The following BCAS3 variants were observed in gnomAD, a reference collection of about 807,000 sequenced individuals.
BCAS3 encodes the protein BCAS4/BCAS3 fusion.
A neutral mutation model predicts 116.1 loss-of-function variants in BCAS3; 53 were observed. The ratio of observed to expected loss-of-function variants is 0.46; its 90% CI spans 0.37 to 0.57. The LOEUF is 0.57. Among genes scored for constraint, BCAS3 ranks in the 20% least tolerant of loss-of-function variants. BCAS3 has a pLI of 0.00. For synonymous variants in BCAS3, 391 were observed against 408.2 expected (o/e 0.96, Z 0.51); for missense variants, 917 against 1,165.4 (o/e 0.79, Z 3.10).
chr17:61,073,859 C>T lies in BCAS3; in HGVS notation c.2030-1061C>T, dbSNP rs2071675572. Among the ~76,000 whole-genome samples, 1 of 151,980 alleles carries T rather than the reference C, an allele frequency of 6.6e-6. No homozygotes were observed. The highest frequency in any genetic ancestry group is 1.5e-5 in the Non-Finnish European group (1 of 67,980). ...GCGTGGTGGTTCATGCCTGTAATCC[C>T]AGCACTCTGAGAGCCAAAGCCAGAG... is the stretch of plus-strand genomic sequence containing the variant. On this transcript the variant is annotated intron_variant, in intron 19 of 23. Coordinates refer to ENST00000407086, the MANE Select transcript of BCAS3 (RefSeq NM_017679.5). This position sits in a 1 kb window ranked among gnomAD's most constrained non-coding sequence, Gnocchi z 4.6.
intron 20 of BCAS3, among the ~76,000 whole-genome samples, chr17:61,076,459 A>G (rs1242352895): frequency 1.3e-5 from 2 of 152,246 alleles, no homozygotes; most frequent in Admixed American, 6.5e-5. Flanking sequence ...TTGATTCTTC[A>G]GTTCCTGGCA....
At chr17:60,849,090 A>G (rs770445101) in intron 7 of BCAS3, among the ~76,000 whole-genome samples, 33 of 152,198 alleles carry the variant, frequency 2.2e-4, no homozygotes, top group Non-Finnish European at 3.2e-4. Flanking sequence ...ACACAGATAG[A>G]CACATAGATA....
At chr17:61,322,802 G>GAGAGAGAGAGAGAGAGAGAGAC (rs2055345367) in intron 22 of BCAS3, among the ~76,000 whole-genome samples, 10 of 125,452 alleles carry the variant, frequency 8.0e-5, no homozygotes, top group African/African-American at 1.0e-4. Flanking sequence ...GACAGAGAGA[G>GAGAGAGAGAGAGAGAGAGAGAC]AGAGAGAGAG....
intron 16 of BCAS3, among the ~76,000 whole-genome samples, chr17:61,022,305 A>G (rs1341906806): frequency 1.3e-5 from 2 of 152,236 alleles, no homozygotes; most frequent in East Asian, 3.9e-4. Flanking sequence ...GCTGGAGAGC[A>G]GTGGCGTGAT....
chr17:60,737,042 C>T (rs374203283), intron 5 of BCAS3, among the ~76,000 whole-genome samples: 1 of 152,002 alleles, frequency 6.6e-6, no homozygotes, highest in Non-Finnish European at 1.5e-5. Context: ...CAGGTTCAAG[C>T]GGTTCTCTTG....
chr17:61,237,556 C>G (rs1396152627), intron 22 of BCAS3, among the ~76,000 whole-genome samples: 1 of 152,210 alleles, frequency 6.6e-6, no homozygotes, highest in Admixed American at 6.5e-5. Flanking sequence ...TCCTTGCCAC[C>G]TTTAAGAGCT....
chr17:60,749,744 C>T (rs2042289781), intron 6 of BCAS3, among the ~76,000 whole-genome samples: 1 of 152,094 alleles, frequency 6.6e-6, no homozygotes, highest in African/African-American at 2.4e-5. Context: ...TCTTTCCCTC[C>T]CTTTCTTCTT....
chr17:61,109,889 T>G (rs2074942649), intron 22 of BCAS3, among the ~76,000 whole-genome samples: 1 of 152,238 alleles, frequency 6.6e-6, no homozygotes, highest in African/African-American at 2.4e-5. Flanking sequence ...ACTCTGTGGG[T>G]TGTATGTTAA....
chr17:61,306,361 C>A (rs1368421437), intron 22 of BCAS3, among the ~76,000 whole-genome samples: 1 of 152,178 alleles, frequency 6.6e-6, no homozygotes, highest in Non-Finnish European at 1.5e-5. Context: ...ACCTAGACTG[C>A]AGGCTTAAGT....
Position 61,124,344 on chromosome 17 carries a change from T to C in BCAS3, c.2425+39780T>C, listed in dbSNP as rs904011228. On this transcript the variant is annotated intron_variant, in intron 22 of 23. Coordinates refer to ENST00000407086, the MANE Select transcript of BCAS3 (RefSeq NM_017679.5). This position sits in a 1 kb window ranked among gnomAD's most constrained non-coding sequence, Gnocchi z 4.6. ...CCTGGTATCTCGAGCCACCAAGATA[T>C]AGCTTTTACTTGATCTGAATTTGTC... Among the ~76,000 whole-genome samples, 3 of 152,158 alleles carry C rather than the reference T, an allele frequency of 2.0e-5. No homozygotes were observed. The highest frequency in any genetic ancestry group is 4.4e-5 in the Non-Finnish European group (3 of 68,026).
chr17:60,849,552 T>G (rs1318713850), intron 7 of BCAS3, among the ~76,000 whole-genome samples: 1 of 152,058 alleles, frequency 6.6e-6, no homozygotes, highest in Non-Finnish European at 1.5e-5. Context: ...CTCCCACAAT[T>G]AAAAAAAGTT....
intron 13 of BCAS3, 37 bp downstream of exon 13, chr17:60,924,537 G>A: frequency 1.1e-6 from 1 of 900,438 alleles, no homozygotes; most frequent in Non-Finnish European, 1.5e-6. Context: ...TTTTTTTTTT[G>A]TAGACCATTT....
chr17:60,854,335 T>G (rs2053463376), intron 7 of BCAS3, among the ~76,000 whole-genome samples: 1 of 152,314 alleles, frequency 6.6e-6, no homozygotes, highest in East Asian at 1.9e-4. Context: ...TCTTTGCTGT[T>G]GTGAATAGTG....
At chr17:60,958,209 G>A (rs910251763) in intron 14 of BCAS3, among the ~76,000 whole-genome samples, 1 of 152,202 alleles carries the variant, frequency 6.6e-6, no homozygotes, top group Non-Finnish European at 1.5e-5. Flanking sequence ...AGACATGGGA[G>A]CTGCAGAGAG....
intron 22 of BCAS3, among the ~76,000 whole-genome samples, chr17:61,340,810 A>G (rs1213989190): frequency 6.6e-6 from 1 of 152,204 alleles, no homozygotes; most frequent in Non-Finnish European, 1.5e-5. Context: ...GGATCAATGT[A>G]TTATACACCC....
chr17:61,102,092 A>G (rs1484614250), intron 22 of BCAS3, among the ~76,000 whole-genome samples: 1 of 152,158 alleles, frequency 6.6e-6, no homozygotes, highest in East Asian at 1.9e-4. Flanking sequence ...CCTGAATGCA[A>G]TACTATTAAC....
chr17:61,090,697 G>C (rs1367762949), intron 22 of BCAS3, among the ~76,000 whole-genome samples: 3 of 151,808 alleles, frequency 2.0e-5, no homozygotes, highest in African/African-American at 7.3e-5. Flanking sequence ...TCACTGTGTT[G>C]CCCAGGCTGG....
intron 14 of BCAS3, among the ~76,000 whole-genome samples, chr17:60,965,411 G>A (rs1313870641): frequency 1.3e-5 from 2 of 151,686 alleles, no homozygotes; most frequent in African/African-American, 4.8e-5. Context: ...TAGTAGAGAT[G>A]GAGTTTCACC....
chr17:60,707,256 G>A (rs1177615702), intron 4 of BCAS3, among the ~76,000 whole-genome samples: 2 of 151,918 alleles, frequency 1.3e-5, no homozygotes, highest in Non-Finnish European at 2.9e-5. Context: ...GCCTCCCAAA[G>A]TGCTGGGATT....
Sources: allele counts gnomAD v4.1 joint callset (sites outside exome capture counted in the v4.1 genomes callset), GRCh38; gene constraint gnomAD v4.1.1; non-coding constraint Gnocchi (gnomAD v3.1); transcripts MANE v1.5; gene names NCBI Gene and HGNC (gene_info 2026-07-23, HGNC 2026-07-21).